The following KCNMB2 variants were observed in gnomAD, a reference collection of about 807,000 sequenced individuals.
KCNMB2 encodes calcium-activated potassium channel subunit beta-2.
Under a neutral mutation model 24.5 loss-of-function variants are expected in KCNMB2, and 9 were observed. The observed-to-expected ratio is 0.37, with a 90% confidence interval of 0.22 to 0.64. KCNMB2 has a LOEUF of 0.64. Ranked by LOEUF, KCNMB2 falls within the 30% of genes least tolerant of loss-of-function variation. The pLI is 0.63. For missense variants in KCNMB2, 226 were observed against 284.3 expected (o/e 0.79, Z 1.47); for synonymous variants, 109 against 104.4 (o/e 1.04, Z -0.27).
chr3:178,634,596 GA>G (rs1376474833), intron 1 of KCNMB2, among the ~76,000 whole-genome samples: 1 of 152,092 alleles, frequency 6.6e-6, no homozygotes, highest in Non-Finnish European at 1.5e-5. Flanking sequence ...TCCTTCCCAT[GA>G]TACATGGGAT....
At chr3:178,695,384 C>T (rs1310424053) in intron 1 of KCNMB2, among the ~76,000 whole-genome samples, 1 of 152,240 alleles carries the variant, frequency 6.6e-6, no homozygotes, top group African/African-American at 2.4e-5. Context: ...TAGTGTCTGG[C>T]TCCTCGCTAC....
At chr3:178,623,819 A>G (rs752188405) in intron 1 of KCNMB2, among the ~76,000 whole-genome samples, 4 of 152,180 alleles carry the variant, frequency 2.6e-5, no homozygotes, top group Non-Finnish European at 5.9e-5. Flanking sequence ...ATTTAAAATG[A>G]TGAGTCACAG....
intron 1 of KCNMB2, among the ~76,000 whole-genome samples, chr3:178,674,581 T>C (rs1721011713): frequency 6.6e-6 from 1 of 152,002 alleles, no homozygotes; most frequent in South Asian, 2.1e-4. Context: ...CAAGCTACCT[T>C]TATCTCTCAC....
chr3:178,772,492 CTT>C (rs1438425262), intron 1 of KCNMB2, among the ~76,000 whole-genome samples: 1 of 152,188 alleles, frequency 6.6e-6, no homozygotes, highest in Non-Finnish European at 1.5e-5. Flanking sequence ...CACAAGCTCT[CTT>C]GTCTTGTCTG....
intron 1 of KCNMB2, among the ~76,000 whole-genome samples, chr3:178,759,548 AGAGGATATATATATCTCTCTCCAC>A (rs1711612831): frequency 9.1e-5 from 10 of 109,360 alleles, no homozygotes; most frequent in African/African-American, 2.0e-4. Flanking sequence ...TCTCTCTCCA[AGAGGATATATATATCTCTCTCCAC>A]GAGGATATAT....
intron 1 of KCNMB2, among the ~76,000 whole-genome samples, chr3:178,802,961 T>G (rs1424246555): frequency 1.3e-5 from 2 of 152,240 alleles, no homozygotes. Context: ...TCAATCCATT[T>G]GTTTTTAAGT....
chr3:178,546,258 T>A (rs1363286132), intron 1 of KCNMB2, among the ~76,000 whole-genome samples: 3 of 152,154 alleles, frequency 2.0e-5, no homozygotes, highest in Non-Finnish European at 4.4e-5. Context: ...TAGGTCTATT[T>A]CCCCATTGAC....
chr3:178,700,395 T>C (rs1372182369), intron 1 of KCNMB2, among the ~76,000 whole-genome samples: 1 of 152,180 alleles, frequency 6.6e-6, no homozygotes, highest in African/African-American at 2.4e-5. Flanking sequence ...TTTTGGAAAG[T>C]ATATACACAA....
chr3:178,633,688 C>T (rs1339554736), intron 1 of KCNMB2, among the ~76,000 whole-genome samples: 1 of 152,242 alleles, frequency 6.6e-6, no homozygotes, highest in Non-Finnish European at 1.5e-5. Flanking sequence ...CTCTGACATG[C>T]CCTGGAGACA....
chr3:178,795,806 T>C (rs1713517030), intron 1 of KCNMB2, among the ~76,000 whole-genome samples: 1 of 152,192 alleles, frequency 6.6e-6, no homozygotes, highest in Non-Finnish European at 1.5e-5. Flanking sequence ...TTAAACAATA[T>C]AAAATATAAT....
At chr3:178,596,141 G>C (rs185811792) in intron 1 of KCNMB2, among the ~76,000 whole-genome samples, 55 of 152,118 alleles carry the variant, frequency 3.6e-4, no homozygotes. Flanking sequence ...ATTTTATCTT[G>C]CTCTTCAATC....
chr3:178,583,646 G>C (rs1408460790), intron 1 of KCNMB2, among the ~76,000 whole-genome samples: 1 of 152,156 alleles, frequency 6.6e-6, no homozygotes, highest in African/African-American at 2.4e-5. Flanking sequence ...AAATCTACTA[G>C]CTGTGTAATC....
intron 1 of KCNMB2, among the ~76,000 whole-genome samples, chr3:178,740,986 T>C (rs776552733): frequency 3.0e-4 from 46 of 152,286 alleles, no homozygotes; most frequent in Middle Eastern, 3.4e-3. Flanking sequence ...TAAAAGGGTA[T>C]AAGGCTTAGA....
chr3:178,804,834 T>A (rs1170479762), intron 1 of KCNMB2, among the ~76,000 whole-genome samples: 1 of 152,240 alleles, frequency 6.6e-6, no homozygotes, highest in Non-Finnish European at 1.5e-5. Context: ...ATCAGAGGAT[T>A]CCACCAGAGT....
intron 1 of KCNMB2, among the ~76,000 whole-genome samples, chr3:178,614,288 T>TATAC (rs1718617343): frequency 4.3e-5 from 5 of 115,956 alleles, no homozygotes; most frequent in Admixed American, 1.8e-4. Flanking sequence ...TATATATATA[T>TATAC]ATATATATGT....
At position 178,844,406 on chromosome 3, in the gene KCNMB2, T is replaced by A. The variant is rs975682024; in HGVS notation, c.*1469T>A. ...TGTAATCAGGACTTCAAATGTGTAATTAAATTTTTTTAAAAAAAATCTATT... is the reference window on the plus strand; with the variant it reads ...TGTAATCAGGACTTCAAATGTGTAAATAAATTTTTTTAAAAAAAATCTATT... On this transcript the variant is annotated 3_prime_UTR_variant, in exon 5 of 5. Transcript: ENST00000452583. 1 of 152,294 alleles carries A rather than the reference T, an allele frequency of 6.6e-6. No homozygotes were observed. Among genetic ancestry groups the A allele is most frequent in the African/African-American group, 2.4e-5 (1 of 41,432 alleles). 9.4% of individuals were successfully genotyped at this position (152,294 alleles called of 1,614,324 possible). A position where few individuals can be genotyped will look rare whatever the true frequency, so the allele number is the denominator to read the frequency against.
At chr3:178,690,435 A>T (rs1721630496) in intron 1 of KCNMB2, among the ~76,000 whole-genome samples, 1 of 152,046 alleles carries the variant, frequency 6.6e-6, no homozygotes, top group South Asian at 2.1e-4. Flanking sequence ...TTAGGAGAGA[A>T]GTGTGATAAA....
intron 1 of KCNMB2, among the ~76,000 whole-genome samples, chr3:178,656,886 G>A (rs532169301): frequency 5.9e-5 from 9 of 152,218 alleles, no homozygotes; most frequent in South Asian, 2.1e-4. Context: ...TTGTTGGGGC[G>A]GGGTAGGGGG....
intron 1 of KCNMB2, among the ~76,000 whole-genome samples, chr3:178,663,079 G>T (rs1033843713): frequency 6.6e-6 from 1 of 152,140 alleles, no homozygotes. Context: ...CTGTGGGAGG[G>T]CTAGGACAGC....
Sources: gnomAD v4.1 joint callset for allele counts (sites outside exome capture counted in the v4.1 genomes callset) on GRCh38, gnomAD v4.1.1 for gene constraint, MANE v1.5 for transcripts, NCBI Gene and HGNC (gene_info 2026-07-23, HGNC 2026-07-21) for gene names.